UCKL1: variants seen among roughly 807,000 people sequenced by gnomAD.
UCKL1 encodes the protein uridine-cytidine kinase 1 like 1.
A neutral mutation model predicts 59.2 loss-of-function variants in UCKL1; 65 were observed. The ratio of observed to expected loss-of-function variants is 1.10; its 90% CI spans 0.90 to 1.35. The LOEUF is 1.35. Ranked by LOEUF, UCKL1 falls within the 40% of genes most tolerant of loss-of-function variation. The pLI, the probability that UCKL1 is intolerant of heterozygous loss-of-function variation, is 0.00. For synonymous variants in UCKL1, 410 were observed against 323.1 expected (o/e 1.27, Z -2.88); for missense variants, 703 against 784.3 (o/e 0.90, Z 1.24).
intron 8 of UCKL1, chr20:63,942,365 G>A (rs2054804321): frequency 8.6e-7 from 1 of 1,163,000 alleles, no homozygotes; most frequent in Non-Finnish European, 1.1e-6. Flanking sequence ...CAGCGGCAGG[G>A]AAAGGGGCGG....
chr20:63,946,339 C>T (rs926493333), intron 2 of UCKL1, 72 bp from the exon 3 acceptor site: 7 of 1,533,182 alleles, frequency 4.6e-6, no homozygotes, highest in African/African-American at 2.7e-5. Flanking sequence ...CAGAGGTGCC[C>T]ATCCCGCTGC....
rs1254100712 is a variant in UCKL1 at position 63,940,247 on chromosome 20, G to A, written c.1470C>T (p.Gly490=). The A allele has an allele frequency of 1.2e-6, 2 of 1,612,708 alleles. No individual in the cohort carries two copies. Among genetic ancestry groups the A allele is most frequent in the East Asian group, 2.2e-5 (1 of 44,884 alleles). ...GAAATGCATAGGCCACTGAGTGCAC[G>A]CCCATCTCTGCCATGAGCAGCGACA... ...FLLSLLMAEM[G]VHSVAYAFPR... is the part of the protein sequence containing the mutation. Residue 490 remains glycine, a synonymous_variant, in exon 14 of 15, where the codon GGC becomes GGT. Coordinates refer to ENST00000354216, the MANE Select transcript of UCKL1 (RefSeq NM_017859.4).
At chr20:63,945,489 C>T (rs1270810625) in intron 5 of UCKL1, among the ~76,000 whole-genome samples, 162 bp downstream of exon 5, 2 of 152,208 alleles carry the variant, frequency 1.3e-5, no homozygotes, top group Non-Finnish European at 2.9e-5. Context: ...GCAGATGGAC[C>T]CAGCTGTGGC....
In UCKL1 at chr20:63,940,196, C is replaced by A. The variant is rs778092541; in HGVS notation, c.1521G>T (p.Ala507=). The A allele has an allele frequency of 8.1e-6, 13 of 1,612,780 alleles. No individual in the cohort carries two copies. The South Asian group carries it at 1.4e-4, about 18-fold the overall frequency. ...AAAGGTCATTGACCCGCTTGTCCAC[C>A]GCCGTGGTGATGATTCTCACTCGCG... is the stretch of plus-strand genomic sequence containing the variant. ...AFPRVRIITT[A]VDKRVNDLFR... Residue 507 remains alanine, a synonymous_variant, in exon 14 of 15, where the codon GCG becomes GCT. Transcript: ENST00000354216.
In UCKL1 at chr20:63,940,664, C is replaced by T. The variant is rs765234389; in HGVS notation, c.1232G>A (p.Arg411His). The T allele has an allele frequency of 1.9e-6, 3 of 1,609,052 alleles. No individual in the cohort carries two copies. The highest frequency in any genetic ancestry group is 1.7e-5 in the Admixed American group (1 of 59,642). The change falls in exon 12 of 15, where the codon CGC (arginine) becomes CAC (histidine). Residue 411 changes from arginine to histidine, a missense_variant. Physicochemically the swap from Arg to His is conservative, Grantham distance 29 (BLOSUM62 0). Transcript: ENST00000354216. ...GATGCGCACGTCTTTGCACACAGCGCGCAGCGCGGGCTCCATGGTTTCACC... is the reference window on the plus strand; with the variant it reads ...GATGCGCACGTCTTTGCACACAGCGTGCAGCGCGGGCTCCATGGTTTCACC... The part of the protein sequence containing the change: ...RAGETMEPAL[R>H]AVCKDVRIGT...
intron 1 of UCKL1, among the ~76,000 whole-genome samples, chr20:63,946,946 C>T (rs71325473): frequency 0.028 from 4,237 of 151,968 alleles, 80 homozygotes; most frequent in Non-Finnish European, 0.042. Context: ...TACCTGGGTG[C>T]GGTGGTGGGT....
chr20:63,947,095 C>T (rs542876398), intron 1 of UCKL1, among the ~76,000 whole-genome samples: 1 of 152,070 alleles, frequency 6.6e-6, no homozygotes, highest in South Asian at 2.1e-4. Flanking sequence ...AAAAAAAACC[C>T]TGCCTCCTGC....
intron 5 of UCKL1, among the ~76,000 whole-genome samples, chr20:63,945,126 C>T (rs75131478): frequency 1.2e-3 from 188 of 152,252 alleles, no homozygotes; most frequent in Non-Finnish European, 2.2e-3. Flanking sequence ...GAATGGGGGA[C>T]GTGGCGAGTT....
chr20:63,951,756 G>C (rs1282220813), intron 1 of UCKL1, among the ~76,000 whole-genome samples: 1 of 151,460 alleles, frequency 6.6e-6, no homozygotes, highest in East Asian at 2.0e-4. Context: ...AGGGGACACA[G>C]CCACCTCCCC....
At chr20:63,948,760 C>T (rs1360442082) in intron 1 of UCKL1, among the ~76,000 whole-genome samples, 1 of 151,288 alleles carries the variant, frequency 6.6e-6, no homozygotes, top group Non-Finnish European at 1.5e-5. Context: ...TAACCATGAT[C>T]ACTCTCTGGC....
rs1462981835 is a variant in UCKL1 at position 63,939,929 on chromosome 20, C to G, written c.*47G>C. On this transcript the variant is annotated 3_prime_UTR_variant, in exon 15 of 15. Coordinates refer to ENST00000354216, the MANE Select transcript of UCKL1 (RefSeq NM_017859.4). ...ATCTTTGTATTCAGCAGTCCTGGGT[C>G]AGGAGGCAGGAGGAGGGTGGTGGGG... 4 of 1,529,460 alleles carry G rather than the reference C, an allele frequency of 2.6e-6. 1 individual carries two copies. The South Asian group carries it at 4.5e-5, about 17-fold the overall frequency. The allele number at this position is 1,529,460 out of a possible 1,614,324, so 94.7% of individuals were successfully genotyped here. A position where few individuals can be genotyped will look rare whatever the true frequency, so the allele number is the denominator to read the frequency against.
chr20:63,944,132 C>T (rs566555578), intron 7 of UCKL1, among the ~76,000 whole-genome samples: 83 of 152,216 alleles, frequency 5.5e-4, no homozygotes, highest in Non-Finnish European at 1.0e-3. Flanking sequence ...GTGTGCTGAG[C>T]GGGCTGCACC....
chr20:63,939,950 TGGG>T lies in UCKL1; in HGVS notation c.*23_*25del. 6.2e-7 allele frequency: 1 copy of T among 1,604,768 alleles called. No individual in the cohort carries two copies. The highest frequency in any genetic ancestry group is 8.5e-7 in the Non-Finnish European group (1 of 1,173,612). On this transcript the variant is annotated 3_prime_UTR_variant, in exon 15 of 15. Coordinates refer to ENST00000354216, the MANE Select transcript of UCKL1 (RefSeq NM_017859.4). ...GGGTCAGGAGGCAGGAGGAGGGTGG[TGGG>T]GACGGGATGGCTCACTGGGCAGCTA... is the stretch of plus-strand genomic sequence containing the variant.
rs781034596 is a variant in UCKL1 at position 63,945,984 on chromosome 20, G to A, written c.412-9C>T. ...TGCTGCTCAGTCAGCACCTGGTGGG[G>A]GAGGCTGTGGAGCAGCTGTGGGCAC... On this transcript the variant is annotated splice_polypyrimidine_tract_variant and intron_variant, in intron 3 of 14. Transcript: ENST00000354216. The A allele has an allele frequency of 5.6e-6, 9 of 1,613,532 alleles. No homozygotes were observed. The highest frequency in any genetic ancestry group is 5.0e-5 in the Admixed American group (3 of 60,002).
chr20:63,947,556 G>T (rs1276821572), intron 1 of UCKL1, among the ~76,000 whole-genome samples: 1 of 152,260 alleles, frequency 6.6e-6, no homozygotes, highest in Non-Finnish European at 1.5e-5. Flanking sequence ...TGATTCTCCT[G>T]CAGTGACAGC....
chr20:63,952,589 G>C (rs2057826336), intron 1 of UCKL1, among the ~76,000 whole-genome samples: 1 of 152,204 alleles, frequency 6.6e-6, no homozygotes, highest in Non-Finnish European at 1.5e-5. Flanking sequence ...TTCCTGAGCT[G>C]GGCCGGTCCA....
intron 1 of UCKL1, among the ~76,000 whole-genome samples, chr20:63,953,065 G>C (rs2057938013): frequency 1.3e-5 from 2 of 152,118 alleles, no homozygotes; most frequent in African/African-American, 4.8e-5. Flanking sequence ...CCTCAACGTG[G>C]AGAAACCTTA....
chr20:63,948,389 G>C, intron 1 of UCKL1: 1 of 151,854 alleles, frequency 6.6e-6, no homozygotes, highest in Non-Finnish European at 1.5e-5. Context: ...ACGCTCCACA[G>C]ATGCCAGTTA....
intron 1 of UCKL1, among the ~76,000 whole-genome samples, chr20:63,950,435 T>C (rs773373917): frequency 2.2e-4 from 34 of 152,060 alleles, no homozygotes; most frequent in Non-Finnish European, 4.1e-4. Context: ...ATATTAAAAA[T>C]AAATAAAAAC....
Sources: allele counts gnomAD v4.1 joint callset (sites outside exome capture counted in the v4.1 genomes callset), GRCh38; gene constraint gnomAD v4.1.1; transcripts MANE v1.5; gene names NCBI Gene and HGNC (gene_info 2026-07-23, HGNC 2026-07-21).